NUP93: variants seen among roughly 807,000 people sequenced by gnomAD.
NUP93 encodes nucleoporin 93.
In NUP93, 55 loss-of-function variants were observed where a neutral mutation model predicts 107.8. The ratio of observed to expected loss-of-function variants is 0.51; its 90% CI spans 0.41 to 0.64. The LOEUF (loss-of-function observed/expected upper bound fraction) is 0.64. NUP93 is among the 30% of genes least tolerant of loss of function. The pLI is 0.00. For missense variants in NUP93, 937 were observed against 1,044.7 expected, an observed-to-expected ratio of 0.90 and a Z score of 1.42; for synonymous variants, 390 against 397.5, an observed-to-expected ratio of 0.98 and a Z score of 0.22.
chr16:56,823,456 C>T (rs989954318), intron 7 of NUP93, among the ~76,000 whole-genome samples: 30 of 152,174 alleles, frequency 2.0e-4, no homozygotes, highest in African/African-American at 6.3e-4. Flanking sequence ...TTATGTCAGA[C>T]CTGGAATAGT....
chr16:56,758,800 G>A, intron 3 of NUP93, 145 bp downstream of exon 3: 1 of 617,012 alleles, frequency 1.6e-6, no homozygotes. Flanking sequence ...AGTAGATTCA[G>A]CTTTGGAGGT....
At chr16:56,743,833 C>T (rs1342952973) in intron 1 of NUP93, among the ~76,000 whole-genome samples, 1 of 152,142 alleles carries the variant, frequency 6.6e-6, no homozygotes, top group Non-Finnish European at 1.5e-5. Context: ...TTCTCAGTTG[C>T]CCAGGTTGTT....
intron 2 of NUP93, among the ~76,000 whole-genome samples, chr16:56,750,050 C>T (rs1742962596): frequency 6.6e-6 from 1 of 152,204 alleles, no homozygotes; most frequent in Non-Finnish European, 1.5e-5. Context: ...GCCCATGATG[C>T]CATCTTAGTT....
At chr16:56,836,297 T>C (rs1272809977) in intron 16 of NUP93, among the ~76,000 whole-genome samples, 1 of 152,196 alleles carries the variant, frequency 6.6e-6, no homozygotes, top group Non-Finnish European at 1.5e-5. Context: ...TTAAAATCAT[T>C]GATTTCACTG....
intron 3 of NUP93, among the ~76,000 whole-genome samples, chr16:56,772,350 T>C (rs1488813951): frequency 6.6e-6 from 1 of 152,224 alleles, no homozygotes; most frequent in African/African-American, 2.4e-5. Flanking sequence ...GAGAGTGAGT[T>C]TGGACTCCGG....
At chr16:56,838,917 A>G (rs1206300345) in intron 18 of NUP93, 35 bp from the exon 19 acceptor site, 1 of 1,434,632 alleles carries the variant, frequency 7.0e-7, no homozygotes, top group Non-Finnish European at 9.8e-7. Context: ...TTCCTGATAC[A>G]CTCTTACTAC....
chr16:56,757,543 T>TTG (rs1186374306), intron 2 of NUP93, among the ~76,000 whole-genome samples: 1 of 152,236 alleles, frequency 6.6e-6, no homozygotes, highest in Non-Finnish European at 1.5e-5. Context: ...AGTTTCTTTT[T>TTG]TACAGAGAGT....
chr16:56,808,212 G>T (rs1367707717), intron 5 of NUP93, among the ~76,000 whole-genome samples: 2 of 96,106 alleles, frequency 2.1e-5, no homozygotes, highest in African/African-American at 4.3e-5. Context: ...AAAATATATA[G>T]TTATGTAACT....
chr16:56,841,961 T>C, intron 21 of NUP93, 128 bp downstream of exon 21: 2 of 1,153,608 alleles, frequency 1.7e-6, no homozygotes, highest in Non-Finnish European at 2.4e-6. Flanking sequence ...GCTGGATAAA[T>C]CTCGTGTTAG....
Position 56,844,730 on chromosome 16 carries a change from A to G in NUP93, c.*121A>G, listed in dbSNP as rs1596870978. ...TTTTGTTTTGGTTTCTGTATTATGT[A>G]TTTTTGTCAACGCCAATAAATTTCT... On this transcript the variant is annotated 3_prime_UTR_variant, in exon 22 of 22. Coordinates refer to ENST00000308159, the MANE Select transcript of NUP93 (RefSeq NM_014669.5). 1 of 432,676 alleles carries G rather than the reference A, an allele frequency of 2.3e-6. No individual in the cohort carries two copies. Among genetic ancestry groups the G allele is most frequent in the Non-Finnish European group, 4.0e-6 (1 of 251,394 alleles). The allele number at this position is 432,676 out of a possible 1,614,324, so 26.8% of individuals were successfully genotyped here. A position where few individuals can be genotyped will look rare whatever the true frequency, so the allele number is the denominator to read the frequency against.
At chr16:56,841,868 G>C in intron 21 of NUP93, 35 bp downstream of exon 21, 1 of 1,611,244 alleles carries the variant, frequency 6.2e-7, no homozygotes. Flanking sequence ...ACATTGCTAA[G>C]CACCACCTTT....
At chr16:56,738,352 A>G (rs1394980497) in intron 1 of NUP93, among the ~76,000 whole-genome samples, 1 of 152,196 alleles carries the variant, frequency 6.6e-6, no homozygotes, top group Non-Finnish European at 1.5e-5. Context: ...CCAGGTTATT[A>G]CTTCTCTTTG....
chr16:56,840,114 G>A (rs1436214605), intron 20 of NUP93, among the ~76,000 whole-genome samples: 2 of 152,038 alleles, frequency 1.3e-5, no homozygotes, highest in Non-Finnish European at 2.9e-5. Flanking sequence ...TCTACCTCCC[G>A]GGTTCACACC....
At chr16:56,796,341 A>G (rs1962897317) in intron 3 of NUP93, among the ~76,000 whole-genome samples, 1 of 152,220 alleles carries the variant, frequency 6.6e-6, no homozygotes, top group Admixed American at 6.5e-5. Context: ...TCAGTACAGT[A>G]ACATGCTGTA....
intron 1 of NUP93, chr16:56,740,911 A>T (rs1217510475): frequency 5.4e-6 from 1 of 185,380 alleles, no homozygotes; most frequent in Non-Finnish European, 1.1e-5. Flanking sequence ...GGCACTGGGC[A>T]GGCTGAGGCA....
At chr16:56,807,096 CCTCTCCAAG>C (rs558395926) in intron 5 of NUP93, among the ~76,000 whole-genome samples, 9 of 152,180 alleles carry the variant, frequency 5.9e-5, no homozygotes, top group Non-Finnish European at 1.0e-4. Flanking sequence ...GGTCTTGTTG[CCTCTCCAAG>C]CTCATCTTGT....
At chr16:56,811,245 A>G (rs1380473276) in intron 5 of NUP93, among the ~76,000 whole-genome samples, 1 of 152,210 alleles carries the variant, frequency 6.6e-6, no homozygotes, top group Non-Finnish European at 1.5e-5. Context: ...TGAGAATTCC[A>G]TTTGTTCCAT....
At chr16:56,841,976 C>A in intron 21 of NUP93, 143 bp downstream of exon 21, 3 of 955,908 alleles carry the variant, frequency 3.1e-6, no homozygotes, top group Non-Finnish European at 4.5e-6. Flanking sequence ...TGTTAGGAGG[C>A]TCCCAGAGGA....
intron 8 of NUP93, among the ~76,000 whole-genome samples, chr16:56,826,514 TAAAA>T (rs35715417): frequency 3.9e-5 from 5 of 128,200 alleles, no homozygotes; most frequent in South Asian, 2.5e-4. Flanking sequence ...AGACTCCGTC[TAAAA>T]AAAAAAAAAA....
Sources: gnomAD v4.1 joint callset for allele counts (sites outside exome capture counted in the v4.1 genomes callset) on GRCh38, gnomAD v4.1.1 for gene constraint, MANE v1.5 for transcripts, NCBI Gene and HGNC (gene_info 2026-07-23, HGNC 2026-07-21) for gene names.